The following PAQR8 variants were observed in gnomAD, a reference collection of about 807,000 sequenced individuals.
PAQR8 encodes the protein progestin and adipoQ receptor family member 8, also known as membrane progestin receptor beta.
PAQR8 carries 17 observed loss-of-function variants against 25.2 expected under a neutral mutation model. The observed-to-expected ratio is 0.67, with a 90% confidence interval of 0.46 to 1.01. The LOEUF is 1.01. Ranked by LOEUF, PAQR8 falls within the 50% of genes least tolerant of loss-of-function variation. The probability of loss-of-function intolerance (pLI) is 0.00; values close to 1 mark genes in which losing one functional copy is unlikely to be tolerated. For synonymous variants in PAQR8, 204 were observed against 190.6 expected (o/e 1.07, Z -0.58); for missense variants, 392 against 448.4 (o/e 0.87, Z 1.14).
intron 1 of PAQR8, among the ~76,000 whole-genome samples, chr6:52,391,524 A>G (rs187146925): frequency 4.9e-4 from 75 of 152,336 alleles, no homozygotes; most frequent in African/African-American, 1.6e-3. Context: ...TGGTAGTGCC[A>G]TTCTTTCAAA....
Position 52,405,256 on chromosome 6 carries a change from C to CTTATTTTATTATT in PAQR8, c.*979_*980insTATTTTATTATTT, listed in dbSNP as rs2113954595. 6.0e-6 allele frequency: 1 copy of CTTATTTTATTATT among 167,126 alleles called. No individual in the cohort carries two copies. The highest frequency in any genetic ancestry group is 2.1e-4 in the South Asian group (1 of 4,826). The allele number at this position is 167,126 out of a possible 1,614,324, so 10.4% of individuals were successfully genotyped here. On this transcript the variant is annotated 3_prime_UTR_variant, in exon 2 of 2. Transcript: ENST00000442253. ...TGGTTCTAAGGATCCCTCTAGGGAC[C>CTTATTTTATTATT]TCATTATTTCAAGAGGAACCCAAAG...
At chr6:52,391,040 CA>C (rs1381369230) in intron 1 of PAQR8, among the ~76,000 whole-genome samples, 1 of 152,222 alleles carries the variant, frequency 6.6e-6, no homozygotes, top group Non-Finnish European at 1.5e-5. Flanking sequence ...AAATTCCCCA[CA>C]ATCCCTTCAT....
intron 1 of PAQR8, among the ~76,000 whole-genome samples, chr6:52,389,685 G>T (rs1017102070): frequency 6.6e-6 from 1 of 152,210 alleles, no homozygotes; most frequent in Non-Finnish European, 1.5e-5. Context: ...GTGTACTGTT[G>T]TCACTGCAGA....
At chr6:52,376,818 G>A (rs781172578) in intron 1 of PAQR8, among the ~76,000 whole-genome samples, 1 of 152,172 alleles carries the variant, frequency 6.6e-6, no homozygotes, top group East Asian at 1.9e-4. Context: ...TTGGGAATGC[G>A]AAAGTAATTG....
chr6:52,373,118 A>G (rs1164303419), intron 1 of PAQR8, among the ~76,000 whole-genome samples: 3 of 152,220 alleles, frequency 2.0e-5, no homozygotes, highest in African/African-American at 4.8e-5. Flanking sequence ...ACAAACTCCC[A>G]CGGACATGAC....
chr6:52,399,130 G>C (rs1435826185), intron 1 of PAQR8, among the ~76,000 whole-genome samples: 1 of 152,166 alleles, frequency 6.6e-6, no homozygotes, highest in Admixed American at 6.5e-5. Flanking sequence ...TGAAGTTAAA[G>C]TTAATATCCC....
Position 52,407,669 on chromosome 6 carries a change from C to CGTGA in PAQR8, c.*3391_*3392insGTGA, listed in dbSNP as rs1554256938. The CGTGA allele has an allele frequency of 8.3e-6, 1 of 120,914 alleles. No homozygotes were observed. The allele number at this position is 120,914 out of a possible 1,614,324, so 7.5% of individuals were successfully genotyped here. ...CTAATTCTATTGGTCTTGTGTTTTG[C>CGTGA]TTGCTTGGCAAAAAAAAAAAAAAAA... is the stretch of plus-strand genomic sequence containing the variant. On this transcript the variant is annotated 3_prime_UTR_variant, in exon 2 of 2. Transcript: ENST00000442253.
intron 1 of PAQR8, among the ~76,000 whole-genome samples, chr6:52,367,884 G>T (rs1015567400): frequency 8.5e-5 from 13 of 152,208 alleles, no homozygotes; most frequent in Non-Finnish European, 1.6e-4. Context: ...TGACCAGAGA[G>T]TTTCCTTTGC....
intron 1 of PAQR8, among the ~76,000 whole-genome samples, chr6:52,377,165 C>A (rs1415882964): frequency 1.3e-5 from 2 of 152,198 alleles, no homozygotes; most frequent in African/African-American, 4.8e-5. Context: ...CTGTTAGACA[C>A]TGAATAAGCT....
At chr6:52,364,348 AC>A (rs1249203602) in intron 1 of PAQR8, among the ~76,000 whole-genome samples, 1 of 152,210 alleles carries the variant, frequency 6.6e-6, no homozygotes, top group African/African-American at 2.4e-5. Context: ...GTGTGTGTAT[AC>A]CTTATTGAGT....
At chr6:52,392,756 T>C (rs1368455317) in intron 1 of PAQR8, among the ~76,000 whole-genome samples, 7 of 152,228 alleles carry the variant, frequency 4.6e-5, no homozygotes, top group African/African-American at 1.7e-4. Flanking sequence ...CAACAAACCA[T>C]GTGTCTCTTT....
chr6:52,397,363 G>A (rs1763778389), intron 1 of PAQR8, among the ~76,000 whole-genome samples: 1 of 152,064 alleles, frequency 6.6e-6, no homozygotes, highest in African/African-American at 2.4e-5. Context: ...TCACTTGTCT[G>A]AGCTCTATCC....
At chr6:52,393,932 G>A (rs771633683) in intron 1 of PAQR8, among the ~76,000 whole-genome samples, 1 of 152,224 alleles carries the variant, frequency 6.6e-6, no homozygotes, top group Non-Finnish European at 1.5e-5. Flanking sequence ...CATCAGTGGT[G>A]TGGGCATTCC....
chr6:52,402,383 T>C (rs12662189), intron 1 of PAQR8, among the ~76,000 whole-genome samples: 21,420 of 151,328 alleles, frequency 0.14, 2,048 homozygotes, highest in South Asian at 0.31. Flanking sequence ...TTCGGGAGGC[T>C]GAGGTGGGCG....
At chr6:52,385,895 AAG>A (rs749924891) in intron 1 of PAQR8, among the ~76,000 whole-genome samples, 6 of 152,308 alleles carry the variant, frequency 3.9e-5, no homozygotes, top group Non-Finnish European at 7.3e-5. Context: ...CAAAACAAAA[AAG>A]AAACTTTCAA....
chr6:52,390,055 A>G (rs1161218072), intron 1 of PAQR8, among the ~76,000 whole-genome samples: 1 of 152,226 alleles, frequency 6.6e-6, no homozygotes, highest in Non-Finnish European at 1.5e-5. Context: ...ACCTTTACTC[A>G]AACAAGAAGC....
intron 1 of PAQR8, among the ~76,000 whole-genome samples, chr6:52,401,739 G>A (rs2113952091): frequency 6.6e-6 from 1 of 152,246 alleles, no homozygotes; most frequent in South Asian, 2.1e-4. Flanking sequence ...TCTTAAATAT[G>A]AGGCTTAGTC....
At chr6:52,385,231 G>C (rs1763617632) in intron 1 of PAQR8, among the ~76,000 whole-genome samples, 1 of 152,138 alleles carries the variant, frequency 6.6e-6, no homozygotes, top group South Asian at 2.1e-4. Flanking sequence ...TTTCACTTGA[G>C]AGGGGGAAAC....
rs1341473793 is a variant in PAQR8 at position 52,403,279 on chromosome 6, G to A, written c.66G>A (p.Leu22=). The part of the protein sequence containing the change: ...LSVSGQQLRR[L]PKILEDGLPK... ...TCAGCGGGCAGCAGCTGCGCCGCCT[G>A]CCCAAGATCCTGGAGGATGGGCTTC... The change falls in exon 2 of 2, where the codon CTG becomes CTA. Residue 22 remains leucine, a synonymous_variant. Transcript: ENST00000442253. The A allele has an allele frequency of 2.5e-6, 4 of 1,613,164 alleles. No individual in the cohort carries two copies.
Sources: allele counts gnomAD v4.1 joint callset (sites outside exome capture counted in the v4.1 genomes callset), GRCh38; gene constraint gnomAD v4.1.1; transcripts MANE v1.5; gene names NCBI Gene and HGNC (gene_info 2026-07-23, HGNC 2026-07-21).